The following GNAL variants were observed in gnomAD, a reference collection of about 807,000 sequenced individuals.
The protein encoded by GNAL is G protein subunit alpha L.
Under a neutral mutation model 55.1 loss-of-function variants are expected in GNAL, and 18 were observed. The ratio of observed to expected loss-of-function variants is 0.33; its 90% CI spans 0.23 to 0.48. The LOEUF is 0.48. Among genes scored for constraint, GNAL ranks in the 20% least tolerant of loss-of-function variants. The probability of loss-of-function intolerance (pLI) is 0.99; values close to 1 mark genes in which losing one functional copy is unlikely to be tolerated. For missense variants in GNAL, 412 were observed against 614.1 expected, an observed-to-expected ratio of 0.67 and a Z score of 3.48; for synonymous variants, 253 against 237.0, an observed-to-expected ratio of 1.07 and a Z score of -0.62.
chr18:11,874,722 C>T (rs1218851868), intron 10 of GNAL, among the ~76,000 whole-genome samples: 1 of 148,444 alleles, frequency 6.7e-6, no homozygotes. Flanking sequence ...GTGACCCCCA[C>T]CCCCGCCAAG....
rs151218950 is a variant in GNAL, at chr18:11,765,613, T to G, written c.624+11668T>G. 9.0e-4 allele frequency among the ~76,000 whole-genome samples: 137 copies of G among 152,330 alleles called. 1 individual carries two copies. The highest frequency in any genetic ancestry group is 2.3e-3 in the South Asian group (11 of 4,826). The stretch of plus-strand genomic sequence containing the variant: ...TAGTAAGCATCATTCTGTTCTCTAC[T>G]TCCATGAGGTCCACTTTTTAGCTCC... On this transcript the variant is annotated intron_variant, in intron 4 of 11. Coordinates refer to ENST00000334049, the MANE Select transcript of GNAL (RefSeq NM_182978.4).
At chr18:11,861,636 G>A (rs1285284109) in intron 5 of GNAL, among the ~76,000 whole-genome samples, 2 of 152,308 alleles carry the variant, frequency 1.3e-5, no homozygotes, top group Admixed American at 6.5e-5. Context: ...GGGGAGGCCT[G>A]TGCAGGGGCC....
rs560479816 is a variant in GNAL at position 11,715,181 on chromosome 18, C to T, written c.376+25242C>T. 3.3e-5 allele frequency among the ~76,000 whole-genome samples: 5 copies of T among 151,176 alleles called. No homozygotes were observed. In the South Asian group the frequency reaches 8.4e-4, roughly 25 times the overall value. On this transcript the variant is annotated intron_variant, in intron 1 of 11. Coordinates refer to ENST00000334049, the MANE Select transcript of GNAL (RefSeq NM_182978.4). ...GAAAGAAAAGAAAAGATAACAAGGC[C>T]GGGCGCGGTGGCTCACGCCTGTAAT... is the stretch of plus-strand genomic sequence containing the variant.
intron 5 of GNAL, among the ~76,000 whole-genome samples, chr18:11,838,031 C>T (rs1249629): frequency 0.96 from 146,649 of 152,116 alleles, 70,931 homozygotes; most frequent in Non-Finnish European, 1. Flanking sequence ...CTTGGGGGGC[C>T]GAGGCGGGAG....
chr18:11,790,923 C>G (rs1362469435), intron 4 of GNAL, among the ~76,000 whole-genome samples: 1 of 152,046 alleles, frequency 6.6e-6, no homozygotes, highest in South Asian at 2.1e-4. Context: ...TCCCTAAGTT[C>G]TGGGATTACA....
intron 4 of GNAL, among the ~76,000 whole-genome samples, chr18:11,784,071 G>GC (rs1055948350): frequency 2.0e-5 from 3 of 152,188 alleles, no homozygotes; most frequent in African/African-American, 7.2e-5. Context: ...TGTCCACGTG[G>GC]CCCAGCAAGC....
chr18:11,853,155 C>T (rs1329360315), intron 5 of GNAL: 1 of 166,952 alleles, frequency 6.0e-6, no homozygotes, highest in Non-Finnish European at 1.5e-5. Context: ...TTAATTTGTC[C>T]AAAAGCAAGA....
chr18:11,880,932 TTCCCC>T, intron 11 of GNAL, 52 bp from the exon 12 acceptor site: 1 of 1,570,438 alleles, frequency 6.4e-7, no homozygotes. Context: ...GGCCTAGTCC[TTCCCC>T]AGAGTACATG....
intron 1 of GNAL, among the ~76,000 whole-genome samples, chr18:11,748,202 A>C (rs1166445713): frequency 1.3e-5 from 2 of 152,200 alleles, no homozygotes; most frequent in East Asian, 3.8e-4. Context: ...TTCATGAGAA[A>C]TGTCTCGTCA....
At chr18:11,880,953 G>A (rs754753827) in intron 11 of GNAL, 36 bp from the exon 12 acceptor site, 16 of 1,598,206 alleles carry the variant, frequency 1.0e-5, no homozygotes, top group East Asian at 2.2e-5. Flanking sequence ...ACATGCTGGG[G>A]CCGCGCAGGG....
At chr18:11,727,874 T>G (rs946724825) in intron 1 of GNAL, among the ~76,000 whole-genome samples, 6 of 152,190 alleles carry the variant, frequency 3.9e-5, no homozygotes, top group Admixed American at 3.9e-4. Context: ...GGCTATGGTG[T>G]CCAGTGTGGC....
chr18:11,852,171 G>A (rs2035889650), intron 5 of GNAL: 2 of 1,484,300 alleles, frequency 1.3e-6, no homozygotes, highest in Non-Finnish European at 1.8e-6. Context: ...CTCTCTGTGT[G>A]TTAGAGAGAT....
intron 5 of GNAL, chr18:11,852,223 G>C (rs1233505327): frequency 1.5e-6 from 2 of 1,335,754 alleles, no homozygotes; most frequent in East Asian, 2.5e-5. Context: ...ATGCTGAAAT[G>C]CCCTTCTACC....
At chr18:11,850,645 C>T (rs1248927760) in intron 5 of GNAL, among the ~76,000 whole-genome samples, 5 of 152,156 alleles carry the variant, frequency 3.3e-5, no homozygotes, top group Non-Finnish European at 7.3e-5. Flanking sequence ...GCCTGTCAAA[C>T]TTAAATGTGA....
At chr18:11,842,272 C>T (rs532543436) in intron 5 of GNAL, among the ~76,000 whole-genome samples, 7 of 152,202 alleles carry the variant, frequency 4.6e-5, no homozygotes, top group African/African-American at 9.6e-5. Flanking sequence ...TGAGCCACCG[C>T]GCTCGGCCTA....
intron 5 of GNAL, among the ~76,000 whole-genome samples, chr18:11,829,323 CAT>C (rs150044603): frequency 0.062 from 9,381 of 152,252 alleles, 422 homozygotes; most frequent in African/African-American, 0.12. Flanking sequence ...ATACAGGAAT[CAT>C]GTGGAGCAAT....
chr18:11,869,864 G>A (rs982332042), intron 9 of GNAL, among the ~76,000 whole-genome samples: 7 of 152,138 alleles, frequency 4.6e-5, no homozygotes, highest in Non-Finnish European at 8.8e-5. Context: ...AGCTGCGATT[G>A]CATCACTGCA....
intron 4 of GNAL, among the ~76,000 whole-genome samples, chr18:11,801,283 G>T (rs2034514865): frequency 6.6e-6 from 1 of 152,210 alleles, no homozygotes; most frequent in Non-Finnish European, 1.5e-5. Context: ...GGGCGCAGTG[G>T]CTCACGCCTG....
chr18:11,788,914 A>AAAAAAAAAAAAAT (rs60071996), intron 4 of GNAL, among the ~76,000 whole-genome samples: 8 of 56,292 alleles, frequency 1.4e-4, no homozygotes, highest in African/African-American at 4.0e-4. Context: ...AAAAAAAAAA[A>AAAAAAAAAAAAAT]ATATATATAT....
Sources: gnomAD v4.1 joint callset for allele counts (sites outside exome capture counted in the v4.1 genomes callset) on GRCh38, gnomAD v4.1.1 for gene constraint, MANE v1.5 for transcripts, NCBI Gene and HGNC (gene_info 2026-07-23, HGNC 2026-07-21) for gene names.